Variants in CPQ observed in about 807,000 individuals in gnomAD.
CPQ encodes the protein carboxypeptidase Q.
CPQ carries 37 observed loss-of-function variants against 45.7 expected under a neutral mutation model. The observed-to-expected ratio is 0.81, with a 90% CI of 0.62 to 1.07. The LOEUF (loss-of-function observed/expected upper bound fraction) is 1.07. CPQ is among the 50% of genes least tolerant of loss of function. The probability of loss-of-function intolerance (pLI) is 0.00; values close to 1 mark genes in which losing one functional copy is unlikely to be tolerated. For synonymous variants in CPQ, 186 were observed against 205.8 expected (o/e 0.90, Z 0.82); for missense variants, 537 against 572.9 (o/e 0.94, Z 0.64).
intron 1 of CPQ, among the ~76,000 whole-genome samples, chr8:96,665,972 T>C (rs967928159): frequency 6.6e-6 from 1 of 152,136 alleles, no homozygotes; most frequent in Non-Finnish European, 1.5e-5. Flanking sequence ...TCCTATGATA[T>C]GGGGGCACAC....
chr8:96,766,418 T>C (rs894294779), intron 1 of CPQ, among the ~76,000 whole-genome samples: 3 of 152,120 alleles, frequency 2.0e-5, no homozygotes, highest in Non-Finnish European at 2.9e-5. Flanking sequence ...GTTTATGTCT[T>C]TCATGTGCTT....
chr8:96,950,743 A>G (rs1813251224), intron 4 of CPQ, among the ~76,000 whole-genome samples: 1 of 152,150 alleles, frequency 6.6e-6, no homozygotes, highest in Non-Finnish European at 1.5e-5. Context: ...AGGATGCTAG[A>G]TGGATTGAGC....
chr8:96,791,033 C>G (rs1810839131), intron 2 of CPQ, among the ~76,000 whole-genome samples: 1 of 152,110 alleles, frequency 6.6e-6, no homozygotes, highest in Non-Finnish European at 1.5e-5. Context: ...AAATGCTAAT[C>G]TATGTTAGAC....
chr8:96,699,379 C>T (rs1475185052), intron 1 of CPQ, among the ~76,000 whole-genome samples: 1 of 151,978 alleles, frequency 6.6e-6, no homozygotes, highest in African/African-American at 2.4e-5. Flanking sequence ...TTAATTGCTA[C>T]AAAAATATGT....
intron 4 of CPQ, among the ~76,000 whole-genome samples, chr8:96,955,728 C>T (rs1813345812): frequency 6.6e-6 from 1 of 152,170 alleles, no homozygotes; most frequent in African/African-American, 2.4e-5. Context: ...CACATATCTA[C>T]AGCTATCTGG....
intron 6 of CPQ, among the ~76,000 whole-genome samples, chr8:97,055,876 G>A (rs936175647): frequency 6.6e-6 from 1 of 152,108 alleles, no homozygotes. Flanking sequence ...AAAGTGGGTG[G>A]ATCACCTGAG....
intron 6 of CPQ, among the ~76,000 whole-genome samples, chr8:97,037,756 A>C (rs1434431516): frequency 6.6e-6 from 1 of 152,196 alleles, no homozygotes; most frequent in Non-Finnish European, 1.5e-5. Context: ...GTAGAATTCC[A>C]TTATGACTAG....
chr8:96,685,136 C>CAACA (rs139480355), intron 1 of CPQ, among the ~76,000 whole-genome samples: 4 of 149,812 alleles, frequency 2.7e-5, no homozygotes, highest in South Asian at 2.1e-4. Flanking sequence ...AAACAAAAAA[C>CAACA]AAAAAACAGA....
chr8:96,830,392 A>G (rs1811439350), intron 2 of CPQ, among the ~76,000 whole-genome samples: 2 of 152,102 alleles, frequency 1.3e-5, no homozygotes, highest in African/African-American at 4.8e-5. Flanking sequence ...TTCTCTATAG[A>G]CTACATGATC....
At chr8:96,838,360 T>G (rs1811558623) in intron 3 of CPQ, among the ~76,000 whole-genome samples, 1 of 152,154 alleles carries the variant, frequency 6.6e-6, no homozygotes, top group African/African-American at 2.4e-5. Flanking sequence ...CTATCATTTT[T>G]GAGATCTGAG....
At chr8:96,694,656 A>G (rs959708909) in intron 1 of CPQ, among the ~76,000 whole-genome samples, 3 of 152,284 alleles carry the variant, frequency 2.0e-5, no homozygotes, top group East Asian at 3.9e-4. Context: ...AAGTTAAACA[A>G]TGTGCTCCTG....
chr8:96,959,850 A>G (rs1813423073), intron 4 of CPQ, among the ~76,000 whole-genome samples: 1 of 149,038 alleles, frequency 6.7e-6, no homozygotes, highest in South Asian at 2.2e-4. Context: ...AATTAAGACT[A>G]GGAGAAGACA....
chr8:97,140,572 A>G (rs968920203), intron 7 of CPQ, among the ~76,000 whole-genome samples: 3 of 152,064 alleles, frequency 2.0e-5, no homozygotes, highest in Non-Finnish European at 4.4e-5. Flanking sequence ...ATAGAAACAT[A>G]TATAAACACA....
At chr8:97,083,700 T>G (rs1810995995) in intron 7 of CPQ, among the ~76,000 whole-genome samples, 1 of 151,940 alleles carries the variant, frequency 6.6e-6, no homozygotes, top group African/African-American at 2.4e-5. Context: ...ATTATATGAG[T>G]GAATGTATAA....
intron 1 of CPQ, among the ~76,000 whole-genome samples, chr8:96,715,255 G>A (rs1437615583): frequency 6.6e-6 from 1 of 152,140 alleles, no homozygotes; most frequent in Admixed American, 6.5e-5. Context: ...AACACAGTGA[G>A]TTCTCTGCAG....
At chr8:97,012,463 G>A (rs1424793173) in intron 5 of CPQ, among the ~76,000 whole-genome samples, 4 of 152,124 alleles carry the variant, frequency 2.6e-5, no homozygotes, top group Non-Finnish European at 5.9e-5. Flanking sequence ...GTTTGAGGAC[G>A]GGGGTCCTGG....
At chr8:96,949,350 T>G (rs550399345) in intron 4 of CPQ, among the ~76,000 whole-genome samples, 1 of 152,198 alleles carries the variant, frequency 6.6e-6, no homozygotes, top group East Asian at 1.9e-4. Context: ...TGCTGACTCA[T>G]TTTGAGTGGG....
At chr8:97,018,666 G>A (rs1027115779) in intron 5 of CPQ, among the ~76,000 whole-genome samples, 7 of 151,980 alleles carry the variant, frequency 4.6e-5, no homozygotes, top group Admixed American at 1.3e-4. Flanking sequence ...CAAAGTTTTC[G>A]AATTAAGCAA....
At chr8:96,713,685 C>A (rs1809642094) in intron 1 of CPQ, among the ~76,000 whole-genome samples, 1 of 152,144 alleles carries the variant, frequency 6.6e-6, no homozygotes, top group African/African-American at 2.4e-5. Flanking sequence ...ATTATGGGAA[C>A]TACAACTCAA....
Sources: allele counts gnomAD v4.1 joint callset (sites outside exome capture counted in the v4.1 genomes callset), GRCh38; gene constraint gnomAD v4.1.1; transcripts MANE v1.5; gene names NCBI Gene and HGNC (gene_info 2026-07-23, HGNC 2026-07-21).